The following ADAM12 variants were observed in gnomAD, a reference collection of about 807,000 sequenced individuals.
The protein encoded by ADAM12 is disintegrin and metalloproteinase domain-containing protein 12.
A neutral mutation model predicts 106.4 loss-of-function variants in ADAM12; 70 were observed. That is an observed-to-expected ratio of 0.66 (90% CI 0.54 to 0.80). ADAM12 has a LOEUF of 0.80. Ranked by LOEUF, ADAM12 falls within the 30% of genes least tolerant of loss-of-function variation. ADAM12 has a pLI of 0.00. For missense variants in ADAM12, 1,010 were observed against 1,171.9 expected, an observed-to-expected ratio of 0.86 and a Z score of 2.02; for synonymous variants, 420 against 433.5, an observed-to-expected ratio of 0.97 and a Z score of 0.39.
intron 9 of ADAM12, among the ~76,000 whole-genome samples, chr10:126,099,337 A>C (rs1170864225): frequency 6.6e-6 from 1 of 152,156 alleles, no homozygotes; most frequent in Non-Finnish European, 1.5e-5. Context: ...GAAAGTGGTA[A>C]GTGTATATAA....
At chr10:126,035,026 A>C (rs1256342582) in intron 21 of ADAM12, among the ~76,000 whole-genome samples, 1 of 152,170 alleles carries the variant, frequency 6.6e-6, no homozygotes, top group Non-Finnish European at 1.5e-5. Context: ...AACTCAAAGG[A>C]GACACAATTA....
intron 3 of ADAM12, among the ~76,000 whole-genome samples, chr10:126,242,417 T>C (rs1433480426): frequency 1.3e-5 from 2 of 152,212 alleles, no homozygotes; most frequent in African/African-American, 2.4e-5. Context: ...TCATTTTCCA[T>C]TGAAATTCCC....
At chr10:126,318,902 G>A (rs2133830384) in intron 2 of ADAM12, among the ~76,000 whole-genome samples, 1 of 152,266 alleles carries the variant, frequency 6.6e-6, no homozygotes, top group African/African-American at 2.4e-5. Context: ...CATGGTGGCA[G>A]GCAAGAGAGC....
intron 3 of ADAM12, among the ~76,000 whole-genome samples, chr10:126,203,715 C>T (rs1244776681): frequency 6.6e-6 from 1 of 152,166 alleles, no homozygotes; most frequent in Non-Finnish European, 1.5e-5. Flanking sequence ...CCTTCCTACT[C>T]CCACAAATTC....
chr10:126,193,456 A>G (rs529641651), intron 3 of ADAM12, among the ~76,000 whole-genome samples: 3 of 152,300 alleles, frequency 2.0e-5, no homozygotes, highest in African/African-American at 7.2e-5. Context: ...GGTCAAATAC[A>G]TTAGAGAAAT....
intron 3 of ADAM12, among the ~76,000 whole-genome samples, chr10:126,166,411 GC>G (rs1403676113): frequency 1.4e-5 from 2 of 147,500 alleles, no homozygotes; most frequent in South Asian, 2.3e-4. Context: ...AAGGCTTTGG[GC>G]TGTTTTCTCC....
chr10:126,356,124 A>G (rs545990034), intron 1 of ADAM12, among the ~76,000 whole-genome samples: 1 of 152,280 alleles, frequency 6.6e-6, no homozygotes, highest in East Asian at 1.9e-4. Flanking sequence ...CGCAAACCTC[A>G]AGCATACATT....
chr10:126,122,041 C>A (rs1041412537), intron 5 of ADAM12, among the ~76,000 whole-genome samples: 2 of 152,090 alleles, frequency 1.3e-5, no homozygotes, highest in Non-Finnish European at 2.9e-5. Context: ...ATATCCGGGA[C>A]AATTAGAAAT....
Position 126,045,441 on chromosome 10 carries a change from C to G in ADAM12, c.1995+614G>C, listed in dbSNP as rs181771372. Among the ~76,000 whole-genome samples the G allele has an allele frequency of 4.2e-3, 635 of 152,224 alleles. 6 individuals are homozygous for G. The highest frequency in any genetic ancestry group is 0.014 in the African/African-American group (597 of 41,532). ...AAGTTTTAAAATAAAGAATTTGGAGCAGGATTTCTGTAGGAAAGGTTTCAG... is the reference window on the plus strand; with the variant it reads ...AAGTTTTAAAATAAAGAATTTGGAGGAGGATTTCTGTAGGAAAGGTTTCAG... On this transcript the variant is annotated intron_variant, in intron 17 of 22. Coordinates refer to ENST00000448723, the MANE Select transcript of ADAM12 (RefSeq NM_001288973.2).
At position 126,261,023 on chromosome 10, in the gene ADAM12, A is replaced by C. The variant is rs189938878; in HGVS notation, c.260+17892T>G. On this transcript the variant is annotated intron_variant, in intron 3 of 22. Transcript: ENST00000448723. Reference sequence around the variant, plus strand: ...AAATTTAAAAATATACAGGATAACAACTATTTACATAGCATTTACATTGTA... The same window carrying C: ...AAATTTAAAAATATACAGGATAACACCTATTTACATAGCATTTACATTGTA... Among the ~76,000 whole-genome samples, 5 of 152,348 alleles carry C rather than the reference A, an allele frequency of 3.3e-5. No individual in the cohort carries two copies. The East Asian group carries it at 9.6e-4, about 29-fold the overall frequency.
intron 5 of ADAM12, among the ~76,000 whole-genome samples, chr10:126,120,270 AATTTT>A (rs1272554673): frequency 1.3e-5 from 2 of 152,226 alleles, no homozygotes; most frequent in Non-Finnish European, 2.9e-5. Flanking sequence ...AAAGGCATAC[AATTTT>A]ATTTTAACAG....
chr10:126,042,209 T>TG, intron 18 of ADAM12: 1 of 1,613,812 alleles, frequency 6.2e-7, no homozygotes, highest in Non-Finnish European at 8.5e-7. Context: ...CGCTCCCTGT[T>TG]GGACTCTGCA....
intron 3 of ADAM12, among the ~76,000 whole-genome samples, chr10:126,197,175 A>T (rs1957612702): frequency 6.6e-6 from 1 of 152,096 alleles, no homozygotes; most frequent in Non-Finnish European, 1.5e-5. Context: ...CTATTTGTAA[A>T]GACAGACTTA....
chr10:126,200,032 C>T (rs1251791893), intron 3 of ADAM12, among the ~76,000 whole-genome samples: 2 of 152,188 alleles, frequency 1.3e-5, no homozygotes, highest in Non-Finnish European at 2.9e-5. Flanking sequence ...GTGACTTACA[C>T]ACTAGTTACC....
intron 2 of ADAM12, among the ~76,000 whole-genome samples, chr10:126,282,871 G>C (rs1050762504): frequency 2.0e-5 from 3 of 152,088 alleles, no homozygotes; most frequent in Non-Finnish European, 4.4e-5. Context: ...ACTGGGGCTG[G>C]GGGTGGGGGA....
chr10:126,059,846 T>C (rs971513555), intron 14 of ADAM12, among the ~76,000 whole-genome samples: 4 of 152,358 alleles, frequency 2.6e-5, no homozygotes, highest in East Asian at 1.9e-4. Context: ...ACAAAAAACA[T>C]TGGTAAAAGT....
In ADAM12 at chr10:126,107,170, C is replaced by A. The variant is rs3781034; in HGVS notation, c.741+1423G>T. On this transcript the variant is annotated intron_variant, in intron 8 of 22. Transcript: ENST00000448723. The stretch of plus-strand genomic sequence containing the variant: ...ACATGAAGCACATACATGTCCACAT[C>A]ACACATACTCCTTCTTCTGCTATGC... Among the ~76,000 whole-genome samples, 633 of 152,282 alleles carry A rather than the reference C, an allele frequency of 4.2e-3. 15 individuals are homozygous for A. In the East Asian group the frequency reaches 0.062, roughly 15 times the overall value.
chr10:126,020,665 T>C (rs1953747396), intron 21 of ADAM12, among the ~76,000 whole-genome samples: 1 of 152,098 alleles, frequency 6.6e-6, no homozygotes, highest in Non-Finnish European at 1.5e-5. Context: ...CAGCATTCCT[T>C]CATGCCGCAA....
chr10:126,098,168 C>T (rs1450365188), intron 10 of ADAM12, among the ~76,000 whole-genome samples: 2 of 152,222 alleles, frequency 1.3e-5, no homozygotes, highest in African/African-American at 4.8e-5. Context: ...AATGTTTCTC[C>T]ATAAAAGAGG....
Sources: gnomAD v4.1 joint callset for allele counts (sites outside exome capture counted in the v4.1 genomes callset) on GRCh38, gnomAD v4.1.1 for gene constraint, MANE v1.5 for transcripts, NCBI Gene and HGNC (gene_info 2026-07-23, HGNC 2026-07-21) for gene names.